TULP4: variants seen among roughly 807,000 people sequenced by gnomAD.
TULP4 encodes the protein tubby-related protein 4.
In TULP4, 16 loss-of-function variants were observed where a neutral mutation model predicts 129.0. That is an observed-to-expected ratio of 0.12 (90% CI 0.08 to 0.19). TULP4 has a LOEUF of 0.19. TULP4 is among the 10% of genes least tolerant of loss of function. TULP4 has a pLI of 1.00. For missense variants in TULP4, 1,842 were observed against 2,059.1 expected, an observed-to-expected ratio of 0.89 and a Z score of 2.04; for synonymous variants, 998 against 854.0, an observed-to-expected ratio of 1.17 and a Z score of -2.94.
intron 1 of TULP4, among the ~76,000 whole-genome samples, chr6:158,288,896 T>A (rs146697561): frequency 5.3e-5 from 8 of 152,348 alleles, no homozygotes; most frequent in Non-Finnish European, 8.8e-5. Context: ...ATCTAATAGA[T>A]TATATTTCTA....
chr6:158,354,522 A>G (rs965690756), intron 1 of TULP4, among the ~76,000 whole-genome samples: 1 of 152,252 alleles, frequency 6.6e-6, no homozygotes, highest in Non-Finnish European at 1.5e-5. Flanking sequence ...ACACGGTATC[A>G]GCTTTTTCTT....
At chr6:158,331,004 C>T (rs759027219) in intron 1 of TULP4, among the ~76,000 whole-genome samples, 3 of 152,142 alleles carry the variant, frequency 2.0e-5, no homozygotes, top group Non-Finnish European at 4.4e-5. Flanking sequence ...TGTGGAGGTG[C>T]ACAGTAGCTA....
At chr6:158,461,089 G>C (rs1779412089) in intron 5 of TULP4, among the ~76,000 whole-genome samples, 1 of 152,210 alleles carries the variant, frequency 6.6e-6, no homozygotes, top group Non-Finnish European at 1.5e-5. Flanking sequence ...ATCATCTTCA[G>C]AGAAATTGGT....
chr6:158,269,741 T>C (rs956586934), intron 1 of TULP4, among the ~76,000 whole-genome samples: 7 of 152,252 alleles, frequency 4.6e-5, no homozygotes, highest in African/African-American at 1.7e-4. Context: ...TTTAGCACTT[T>C]ACTATGTGGG....
intron 1 of TULP4, among the ~76,000 whole-genome samples, chr6:158,286,248 A>G (rs940406306): frequency 2.0e-5 from 3 of 152,244 alleles, no homozygotes; most frequent in African/African-American, 7.2e-5. Context: ...TAATAATCCA[A>G]AAGACATTCT....
intron 1 of TULP4, among the ~76,000 whole-genome samples, chr6:158,271,798 G>T (rs1238628512): frequency 6.6e-6 from 1 of 152,072 alleles, no homozygotes; most frequent in African/African-American, 2.4e-5. Flanking sequence ...AAAATAAAAT[G>T]TTCTGAGAAG....
intron 1 of TULP4, among the ~76,000 whole-genome samples, chr6:158,371,916 G>C (rs940995116): frequency 6.6e-6 from 1 of 152,190 alleles, no homozygotes; most frequent in Non-Finnish European, 1.5e-5. Flanking sequence ...CAGGGTTCAG[G>C]TGATCCTCCC....
At chr6:158,395,728 G>A (rs1291208438) in intron 1 of TULP4, among the ~76,000 whole-genome samples, 2 of 150,924 alleles carry the variant, frequency 1.3e-5, no homozygotes, top group South Asian at 2.1e-4. Context: ...TTCTGTTGTG[G>A]AAGCCAAGAG....
chr6:158,432,673 C>T (rs147063593), intron 3 of TULP4, among the ~76,000 whole-genome samples: 5 of 152,214 alleles, frequency 3.3e-5, no homozygotes, highest in Non-Finnish European at 5.9e-5. Flanking sequence ...CCATCCTGGC[C>T]AACATGGTGA....
chr6:158,244,543 A>G (rs1777990368), intron 1 of TULP4, among the ~76,000 whole-genome samples: 1 of 152,158 alleles, frequency 6.6e-6, no homozygotes, highest in Admixed American at 6.5e-5. Flanking sequence ...GTGTCCTTAG[A>G]AGAAGAGACA....
intron 5 of TULP4, among the ~76,000 whole-genome samples, chr6:158,460,283 T>C (rs959351613): frequency 6.6e-6 from 1 of 152,244 alleles, no homozygotes; most frequent in African/African-American, 2.4e-5. Context: ...ATGTGTGTGC[T>C]GATAGAGCCC....
In TULP4 at chr6:158,413,323, C is replaced by G. The variant is rs539441403; in HGVS notation, c.381+130C>G. On this transcript the variant is annotated intron_variant, in intron 2 of 13. Coordinates refer to ENST00000367097, the MANE Select transcript of TULP4 (RefSeq NM_020245.5). The surrounding 1 kb of genome is among the most constrained non-coding windows in gnomAD (Gnocchi z 4.9). Reference sequence around the variant, plus strand: ...CAGAGCTGGGGGAAGAGAAATCAATCAAATTAGAATCCTACTTTTCATTTC... The same window carrying G: ...CAGAGCTGGGGGAAGAGAAATCAATGAAATTAGAATCCTACTTTTCATTTC... 9.2e-7 allele frequency: 1 copy of G among 1,086,340 alleles called. No homozygotes were observed. Among genetic ancestry groups the G allele is most frequent in the African/African-American group, 1.6e-5 (1 of 63,640 alleles). The allele number at this position is 1,086,340 out of a possible 1,614,324, so 67.3% of individuals were successfully genotyped here.
At position 158,236,795 on chromosome 6, in the gene TULP4, C is replaced by CTTTTCTTTTTTTTT. The variant is rs1554272522; in HGVS notation, n.68+4496_68+4497insCTTTTTTTTTTTTT. On this transcript the variant is annotated intron_variant and non_coding_transcript_variant, in intron 1 of 1. Transcript: ENST00000620026. ...AGATGGGTAAATGCCCAATTCTTTT[C>CTTTTCTTTTTTTTT]TTTTTTTTTTTTTTTTTTTTTTTTT... 1.7e-3 allele frequency among the ~76,000 whole-genome samples: 105 copies of CTTTTCTTTTTTTTT among 63,304 alleles called. 11 individuals are homozygous for CTTTTCTTTTTTTTT. The highest frequency in any genetic ancestry group is 2.2e-3 in the Non-Finnish European group (70 of 32,232). 41.5% of individuals were successfully genotyped at this position (63,304 alleles called of 152,430 possible).
chr6:158,434,189 A>G (rs543740296), intron 3 of TULP4, among the ~76,000 whole-genome samples: 117 of 152,310 alleles, frequency 7.7e-4, no homozygotes, highest in African/African-American at 2.6e-3. Flanking sequence ...ATCTCCAAAA[A>G]TAGTCACATT....
chr6:158,390,968 C>G lies in TULP4; in HGVS notation c.253-22097C>G, dbSNP rs995404980. On this transcript the variant is annotated intron_variant, in intron 1 of 13. Coordinates refer to ENST00000367097, the MANE Select transcript of TULP4 (RefSeq NM_020245.5). ...AGATGTGGGGGTCTGAACCTGTAGT[C>G]TGGAAGGCTGAGGCGGGAGAATTGC... is the stretch of plus-strand genomic sequence containing the variant. 4.5e-4 allele frequency among the ~76,000 whole-genome samples: 68 copies of G among 152,136 alleles called. 1 individual carries two copies. Among genetic ancestry groups the G allele is most frequent in the African/African-American group, 1.5e-3 (63 of 41,510 alleles).
At chr6:158,322,779 C>T (rs1779667470) in intron 1 of TULP4, among the ~76,000 whole-genome samples, 1 of 152,154 alleles carries the variant, frequency 6.6e-6, no homozygotes, top group Non-Finnish European at 1.5e-5. Flanking sequence ...GAAGTCCCAG[C>T]TTATACCTCA....
intron 1 of TULP4, among the ~76,000 whole-genome samples, chr6:158,380,640 T>C (rs1309695610): frequency 1.3e-5 from 2 of 151,740 alleles, no homozygotes; most frequent in Admixed American, 1.3e-4. Context: ...CACGCCTGTA[T>C]CCCAGCACTT....
At chr6:158,491,194 C>T (rs73029551) in intron 9 of TULP4, among the ~76,000 whole-genome samples, 2,669 of 152,250 alleles carry the variant, frequency 0.018, 32 homozygotes, top group Middle Eastern at 0.027. Context: ...GCTCTGTTGT[C>T]ATTTTTTAGA....
chr6:158,371,326 T>C (rs748272255), intron 1 of TULP4, among the ~76,000 whole-genome samples: 11 of 152,232 alleles, frequency 7.2e-5, no homozygotes, highest in Non-Finnish European at 1.2e-4. Context: ...CTGGCTGGGC[T>C]GGCTTGAGCC....
Sources: gnomAD v4.1 joint callset for allele counts (sites outside exome capture counted in the v4.1 genomes callset) on GRCh38, gnomAD v4.1.1 for gene constraint, Gnocchi (gnomAD v3.1) non-coding constraint, MANE v1.5 for transcripts, NCBI Gene and HGNC (gene_info 2026-07-23, HGNC 2026-07-21) for gene names.